Variants in SLC24A2 observed in about 807,000 individuals in gnomAD.
The protein encoded by SLC24A2 is sodium/potassium/calcium exchanger 2.
Under a neutral mutation model 62.0 loss-of-function variants are expected in SLC24A2, and 36 were observed. That is an observed-to-expected ratio of 0.58 (90% CI 0.44 to 0.77). The LOEUF (loss-of-function observed/expected upper bound fraction) is 0.77. Ranked by LOEUF, SLC24A2 falls within the 30% of genes least tolerant of loss-of-function variation. The pLI, the probability that SLC24A2 is intolerant of heterozygous loss-of-function variation, is 0.00. For synonymous variants in SLC24A2, 358 were observed against 294.0 expected, an observed-to-expected ratio of 1.22 and a Z score of -2.23; for missense variants, 846 against 817.9, an observed-to-expected ratio of 1.03 and a Z score of -0.42.
At chr9:19,841,879 G>C in the SLC24A2 span, among the ~76,000 whole-genome samples, 3 of 152,132 alleles carry the variant, frequency 2.0e-5, no homozygotes, top group Non-Finnish European at 2.9e-5. Flanking sequence ...GTGCTTATTG[G>C]GCCCATGAAT....
intron 4 of SLC24A2, among the ~76,000 whole-genome samples, chr9:19,606,125 G>A (rs1836977507): frequency 6.6e-6 from 1 of 152,098 alleles, no homozygotes; most frequent in South Asian, 2.1e-4. Flanking sequence ...TTAGCTCTCA[G>A]GTCAAGAAAA....
chr9:19,946,934 TA>T, the SLC24A2 span, among the ~76,000 whole-genome samples: 3,055 of 152,188 alleles, frequency 0.02, 95 homozygotes, highest in African/African-American at 0.07. Flanking sequence ...TCTTCTAATG[TA>T]AAAAAAATTC....
At chr9:19,703,507 A>G (rs992630722) in intron 2 of SLC24A2, among the ~76,000 whole-genome samples, 1 of 152,232 alleles carries the variant, frequency 6.6e-6, no homozygotes, top group African/African-American at 2.4e-5. Context: ...ATCAAGAGAA[A>G]GTAGGAAAGT....
chr9:19,568,293 C>T (rs1405393451), intron 7 of SLC24A2, among the ~76,000 whole-genome samples: 1 of 152,218 alleles, frequency 6.6e-6, no homozygotes, highest in East Asian at 1.9e-4. Context: ...ACCTCAGCAT[C>T]ATCTGCAGCT....
the SLC24A2 span, among the ~76,000 whole-genome samples, chr9:20,253,955 G>A: frequency 6.6e-6 from 1 of 152,172 alleles, no homozygotes; most frequent in African/African-American, 2.4e-5. Context: ...GAGGACCAAT[G>A]AGGGAGAATG....
At chr9:19,852,058 G>C in the SLC24A2 span, among the ~76,000 whole-genome samples, 1 of 152,120 alleles carries the variant, frequency 6.6e-6, no homozygotes, top group Non-Finnish European at 1.5e-5. Flanking sequence ...TTGTGGTTTT[G>C]ATTTGCATTT....
intron 2 of SLC24A2, among the ~76,000 whole-genome samples, chr9:19,623,662 G>T (rs978151637): frequency 3.9e-5 from 6 of 152,204 alleles, no homozygotes; most frequent in African/African-American, 1.4e-4. Context: ...GGATTTTTAA[G>T]AAGGTGAAAT....
the SLC24A2 span, among the ~76,000 whole-genome samples, chr9:19,850,982 T>TATATATATATAC: frequency 2.4e-4 from 10 of 42,140 alleles, 1 homozygote; most frequent in Non-Finnish European, 4.7e-4. Flanking sequence ...TATATATATA[T>TATATATATATAC]ATGTATATAT....
At chr9:20,162,955 A>T in the SLC24A2 span, among the ~76,000 whole-genome samples, 2 of 152,180 alleles carry the variant, frequency 1.3e-5, no homozygotes, top group East Asian at 3.9e-4. Flanking sequence ...AACTCTCAAT[A>T]AATTAGGTAT....
rs1467416730 is a variant in SLC24A2, at chr9:19,516,241, C to G, written c.1898G>C (p.Gly633Ala). 2.5e-6 allele frequency: 4 copies of G among 1,614,008 alleles called. No individual in the cohort carries two copies. The African/African-American group carries it at 4.0e-5, about 16-fold the overall frequency. ...AAAGTAGAGGCCAAACATGATGAAG[C>G]CCAGGATTTTGTTCATTCGCCACTT... The part of the protein sequence containing the change: ...LCKWRMNKIL[G>A]FIMFGLYFVF... Residue 633 changes from glycine (G) to alanine (A), a missense_variant, in exon 11 of 11, where the codon GGC becomes GCC. Physicochemically the swap from Gly to Ala is moderately conservative, Grantham distance 60 (BLOSUM62 0). Transcript: ENST00000341998.
At chr9:20,186,370 C>G in the SLC24A2 span, among the ~76,000 whole-genome samples, 2 of 152,142 alleles carry the variant, frequency 1.3e-5, no homozygotes, top group Non-Finnish European at 2.9e-5. Flanking sequence ...CTGAGATATT[C>G]TAACCGGGGC....
At chr9:19,815,491 C>T in the SLC24A2 span, among the ~76,000 whole-genome samples, 6 of 152,218 alleles carry the variant, frequency 3.9e-5, no homozygotes, top group East Asian at 1.2e-3. Flanking sequence ...GTTTTTGCAT[C>T]ATTTTGAGTG....
At chr9:19,952,890 A>G in the SLC24A2 span, among the ~76,000 whole-genome samples, 1 of 151,914 alleles carries the variant, frequency 6.6e-6, no homozygotes, top group African/African-American at 2.4e-5. Flanking sequence ...TTTTAAAAAT[A>G]TATGTTTGAT....
chr9:19,923,650 GA>G, the SLC24A2 span, among the ~76,000 whole-genome samples: 77 of 152,352 alleles, frequency 5.1e-4, no homozygotes, highest in Non-Finnish European at 8.8e-5. Flanking sequence ...AAGAACATAT[GA>G]AATGGGGATA....
At chr9:20,124,335 C>T in the SLC24A2 span, among the ~76,000 whole-genome samples, 1 of 151,014 alleles carries the variant, frequency 6.6e-6, no homozygotes, top group Non-Finnish European at 1.5e-5. Flanking sequence ...GATTCTGTAC[C>T]ATAAACCTGT....
At chr9:19,646,310 T>C (rs951083635) in intron 2 of SLC24A2, among the ~76,000 whole-genome samples, 1 of 152,198 alleles carries the variant, frequency 6.6e-6, no homozygotes, top group African/African-American at 2.4e-5. Flanking sequence ...GAAGAGAAAT[T>C]GTGCTTTTAC....
At chr9:20,187,662 C>G in the SLC24A2 span, among the ~76,000 whole-genome samples, 59 of 152,328 alleles carry the variant, frequency 3.9e-4, no homozygotes, top group African/African-American at 1.2e-3. Flanking sequence ...AAGACTCTGT[C>G]CAGGGGTCAC....
intron 2 of SLC24A2, among the ~76,000 whole-genome samples, chr9:19,741,356 C>T (rs1821671644): frequency 6.6e-6 from 1 of 152,168 alleles, no homozygotes; most frequent in African/African-American, 2.4e-5. Context: ...CTTTTTACTT[C>T]CTGTGCACTT....
At chr9:20,059,425 T>C in the SLC24A2 span, among the ~76,000 whole-genome samples, 1 of 152,168 alleles carries the variant, frequency 6.6e-6, no homozygotes, top group African/African-American at 2.4e-5. Flanking sequence ...CCATAAATTT[T>C]AAAAGATTGA....
Sources: gnomAD v4.1 joint callset for allele counts (sites outside exome capture counted in the v4.1 genomes callset) on GRCh38, gnomAD v4.1.1 for gene constraint, MANE v1.5 for transcripts, NCBI Gene and HGNC (gene_info 2026-07-23, HGNC 2026-07-21) for gene names.